CAMK4: variants seen among roughly 807,000 people sequenced by gnomAD.
The protein encoded by CAMK4 is calcium/calmodulin-dependent protein kinase type IV.
CAMK4 carries 22 observed loss-of-function variants against 44.9 expected under a neutral mutation model. The observed-to-expected ratio is 0.49, with a 90% CI of 0.35 to 0.70. CAMK4 has a LOEUF of 0.70. CAMK4 is among the 30% of genes least tolerant of loss of function. CAMK4 has a pLI of 0.01. For missense variants in CAMK4, 498 were observed against 586.8 expected (o/e 0.85, Z 1.56); for synonymous variants, 218 against 215.4 (o/e 1.01, Z -0.11).
chr5:111,364,905 TG>T, intron 2 of CAMK4: 1 of 152,290 alleles, frequency 6.6e-6, no homozygotes, highest in Non-Finnish European at 1.5e-5. Context: ...TATGGAGTAT[TG>T]GTTTTCCTTA....
chr5:111,308,231 C>T (rs527552606), intron 1 of CAMK4, among the ~76,000 whole-genome samples: 2 of 137,380 alleles, frequency 1.5e-5, no homozygotes, highest in East Asian at 2.1e-4. Context: ...GCACATGTAC[C>T]CTAAAACTTA....
chr5:111,454,037 G>C lies in CAMK4; in HGVS notation c.625+4834G>C, dbSNP rs565002013. On this transcript the variant is annotated intron_variant, in intron 7 of 10. Coordinates refer to ENST00000282356, the MANE Select transcript of CAMK4 (RefSeq NM_001744.6). ...CTTTCAGAATTAACAAGCCACAGGAGAGACAGGCTCTCTGCAACCAGAAAA... is the reference window on the plus strand; with the variant it reads ...CTTTCAGAATTAACAAGCCACAGGACAGACAGGCTCTCTGCAACCAGAAAA... Among the ~76,000 whole-genome samples the C allele has an allele frequency of 5.9e-5, 9 of 152,272 alleles. No homozygotes were observed. The East Asian group carries it at 1.5e-3, about 26-fold the overall frequency.
At chr5:111,334,137 C>G (rs189980536) in intron 1 of CAMK4, among the ~76,000 whole-genome samples, 1 of 151,448 alleles carries the variant, frequency 6.6e-6, no homozygotes, top group Admixed American at 6.6e-5. Flanking sequence ...AGTATCATTC[C>G]TTGACATGAT....
At position 111,228,509 on chromosome 5, in the gene CAMK4, G is replaced by GGGGTGTGTGT. The variant is rs1554053042; in HGVS notation, c.161+3866_161+3867insGGTGTGTGTG. 1.5e-3 allele frequency among the ~76,000 whole-genome samples: 212 copies of GGGGTGTGTGT among 145,352 alleles called. 4 individuals carry two copies. Among genetic ancestry groups the GGGGTGTGTGT allele is most frequent in the East Asian group, 0.012 (58 of 4,984 alleles). On this transcript the variant is annotated intron_variant, in intron 1 of 10. Transcript: ENST00000282356. ...AACCAAATAGATTTCCATAGTAAGG[G>GGGGTGTGTGT]GTGTGTGTGTGTGTGTGTGTGTGTG... is the stretch of plus-strand genomic sequence containing the variant.
At chr5:111,442,584 A>G (rs1166135862) in intron 5 of CAMK4, among the ~76,000 whole-genome samples, 1 of 150,042 alleles carries the variant, frequency 6.7e-6, no homozygotes, top group African/African-American at 2.4e-5. Context: ...TCCAGAGGCT[A>G]CATGGTGTGT....
chr5:111,443,287 C>T (rs966600488), intron 5 of CAMK4, among the ~76,000 whole-genome samples: 431 of 102,964 alleles, frequency 4.2e-3, no homozygotes, highest in African/African-American at 7.6e-3. Context: ...TATACACACA[C>T]ACACACACAC....
intron 4 of CAMK4, among the ~76,000 whole-genome samples, chr5:111,390,129 A>G (rs866684534): frequency 2.8e-4 from 42 of 152,332 alleles, no homozygotes; most frequent in African/African-American, 9.4e-4. Flanking sequence ...TCAAGAACAA[A>G]TGAATAATCA....
At chr5:111,463,672 G>T (rs1483798250) in intron 7 of CAMK4, among the ~76,000 whole-genome samples, 1 of 152,214 alleles carries the variant, frequency 6.6e-6, no homozygotes, top group Non-Finnish European at 1.5e-5. Context: ...ACAAGACTCT[G>T]TGTAGACACC....
At chr5:111,349,221 T>G (rs759740173) in intron 2 of CAMK4, among the ~76,000 whole-genome samples, 5 of 152,036 alleles carry the variant, frequency 3.3e-5, no homozygotes, top group Non-Finnish European at 7.4e-5. Context: ...TTGTTCCCCA[T>G]GCATGCTACA....
chr5:111,467,797 T>C (rs1754896924), intron 7 of CAMK4, among the ~76,000 whole-genome samples: 1 of 152,076 alleles, frequency 6.6e-6, no homozygotes, highest in East Asian at 1.9e-4. Flanking sequence ...AGTGTGGAGA[T>C]TCCTTAAATA....
At chr5:111,463,188 C>A (rs2112469963) in intron 7 of CAMK4, among the ~76,000 whole-genome samples, 1 of 151,794 alleles carries the variant, frequency 6.6e-6, no homozygotes, top group South Asian at 2.1e-4. Flanking sequence ...TGGAACACAG[C>A]CAGAAAAATC....
chr5:111,226,052 A>G (rs1748176467), intron 1 of CAMK4, among the ~76,000 whole-genome samples: 1 of 152,198 alleles, frequency 6.6e-6, no homozygotes, highest in Non-Finnish European at 1.5e-5. Context: ...GAGTAAAGGG[A>G]TGATCTACTT....
intron 9 of CAMK4, among the ~76,000 whole-genome samples, 191 bp downstream of exon 9, chr5:111,478,698 A>C (rs1274224201): frequency 6.6e-6 from 1 of 152,212 alleles, no homozygotes; most frequent in Non-Finnish European, 1.5e-5. Context: ...TTTTTGACTC[A>C]TCACTAGTTG....
At chr5:111,295,165 C>G (rs550816853) in intron 1 of CAMK4, among the ~76,000 whole-genome samples, 3 of 152,080 alleles carry the variant, frequency 2.0e-5, no homozygotes, top group Non-Finnish European at 4.4e-5. Context: ...AATTGGTTTC[C>G]CCTTTATCTC....
At chr5:111,447,635 T>C (rs1338735183) in intron 6 of CAMK4, among the ~76,000 whole-genome samples, 2 of 152,244 alleles carry the variant, frequency 1.3e-5, no homozygotes. Context: ...TTATTTTCGA[T>C]GAATTCTCAC....
Position 111,494,509 on chromosome 5 carries a change from G to A in CAMK4, c.*10043G>A, listed in dbSNP as rs1442035191. ...ATTCTTCAATGGTGGTGACTGACCAGTGAGTTTCTACTTCTTACAGATGGG... is the reference window on the plus strand; with the variant it reads ...ATTCTTCAATGGTGGTGACTGACCAATGAGTTTCTACTTCTTACAGATGGG... On this transcript the variant is annotated 3_prime_UTR_variant, in exon 11 of 11. Coordinates refer to ENST00000282356, the MANE Select transcript of CAMK4 (RefSeq NM_001744.6). 1 of 152,160 alleles carries A rather than the reference G, an allele frequency of 6.6e-6. No individual in the cohort carries two copies. Among genetic ancestry groups the A allele is most frequent in the Non-Finnish European group, 1.5e-5 (1 of 68,030 alleles). The allele number at this position is 152,160 out of a possible 1,614,324, so 9.4% of individuals were successfully genotyped here.
At chr5:111,257,716 A>G (rs1276535983) in intron 1 of CAMK4, among the ~76,000 whole-genome samples, 1 of 152,212 alleles carries the variant, frequency 6.6e-6, no homozygotes, top group African/African-American at 2.4e-5. Context: ...TTGCAGCACT[A>G]TTCACAGTAG....
intron 7 of CAMK4, among the ~76,000 whole-genome samples, chr5:111,470,964 A>G (rs1393636322): frequency 6.6e-6 from 1 of 152,220 alleles, no homozygotes; most frequent in African/African-American, 2.4e-5. Context: ...CAAAAAAACC[A>G]TTGCCATGAC....
At chr5:111,329,658 G>T (rs942664186) in intron 1 of CAMK4, among the ~76,000 whole-genome samples, 1 of 151,684 alleles carries the variant, frequency 6.6e-6, no homozygotes, top group Non-Finnish European at 1.5e-5. Context: ...TCCCAAGAAT[G>T]CAAGGTGAGC....
Sources: allele counts gnomAD v4.1 joint callset (sites outside exome capture counted in the v4.1 genomes callset), GRCh38; gene constraint gnomAD v4.1.1; transcripts MANE v1.5; gene names NCBI Gene and HGNC (gene_info 2026-07-23, HGNC 2026-07-21).